Variants in EIF2AK4 observed in about 807,000 individuals in gnomAD.
EIF2AK4 encodes the protein eIF-2-alpha kinase GCN2.
A neutral mutation model predicts 211.1 loss-of-function variants in EIF2AK4; 139 were observed. The observed-to-expected ratio is 0.66, with a 90% CI of 0.57 to 0.76. The LOEUF (loss-of-function observed/expected upper bound fraction) is 0.76, where lower values mean the gene tolerates loss of function less well. Ranked by LOEUF, EIF2AK4 falls within the 30% of genes least tolerant of loss-of-function variation. The pLI is 0.00. For synonymous variants in EIF2AK4, 710 were observed against 751.3 expected, an observed-to-expected ratio of 0.94 and a Z score of 0.90; for missense variants, 1,664 against 2,043.8, an observed-to-expected ratio of 0.81 and a Z score of 3.58.
At chr15:39,983,488 G>A (rs1302500626) in intron 13 of EIF2AK4, among the ~76,000 whole-genome samples, 1 of 151,756 alleles carries the variant, frequency 6.6e-6, no homozygotes, top group East Asian at 1.9e-4. Context: ...TGTTGCCCAG[G>A]GTAGAGTGCA....
At chr15:39,972,096 C>A (rs909385294) in intron 9 of EIF2AK4, among the ~76,000 whole-genome samples, 18 of 152,098 alleles carry the variant, frequency 1.2e-4, no homozygotes, top group African/African-American at 4.3e-4. Context: ...CGGTGGCTCA[C>A]GCCTGTAATC....
chr15:39,939,479 A>C (rs2034113989), intron 1 of EIF2AK4, 26 bp from the exon 2 acceptor site: 3 of 1,564,504 alleles, frequency 1.9e-6, no homozygotes, highest in Non-Finnish European at 1.7e-6. Flanking sequence ...CTTTGAAAAA[A>C]ATTTTTTTTG....
At chr15:39,935,740 C>G (rs751487430) in intron 1 of EIF2AK4, among the ~76,000 whole-genome samples, 1 of 152,214 alleles carries the variant, frequency 6.6e-6, no homozygotes, top group Non-Finnish European at 1.5e-5. Flanking sequence ...AATATTCTCT[C>G]TCAAACTCAG....
At chr15:39,942,692 A>C (rs1206583978) in intron 2 of EIF2AK4, among the ~76,000 whole-genome samples, 1 of 152,192 alleles carries the variant, frequency 6.6e-6, no homozygotes, top group South Asian at 2.1e-4. Flanking sequence ...GAAAGTGTTG[A>C]CTTAGATGAG....
At chr15:39,962,246 G>A (rs531235837) in intron 7 of EIF2AK4, among the ~76,000 whole-genome samples, 2 of 152,306 alleles carry the variant, frequency 1.3e-5, no homozygotes, top group South Asian at 2.1e-4. Flanking sequence ...GTGACAGAAT[G>A]AGACCCTGTC....
Position 39,961,803 on chromosome 15 carries a change from G to A in EIF2AK4, c.763G>A (p.Val255Ile), listed in dbSNP as rs1233104428. 1 of 1,613,686 alleles carries A rather than the reference G, an allele frequency of 6.2e-7. No individual in the cohort carries two copies. The highest frequency in any genetic ancestry group is 1.7e-5 in the Admixed American group (1 of 60,016). Reference sequence around the variant, plus strand: ...TTTAAGGCGAGAACGTCAGTATTCTGTATGTAATAGTGAAGATTCTCCTGG... The same window carrying A: ...TTTAAGGCGAGAACGTCAGTATTCTATATGTAATAGTGAAGATTCTCCTGG... ...GRSRRERQYSVCNSEDSPGSC... is the reference protein window; with the variant it reads ...GRSRRERQYSICNSEDSPGSC... Residue 255 changes from valine to isoleucine, a missense_variant, in exon 7 of 39, where the codon GTA becomes ATA. By Grantham distance (29) the Val-to-Ile change is conservative (BLOSUM62 3). Coordinates refer to ENST00000263791, the MANE Select transcript of EIF2AK4 (RefSeq NM_001013703.4).
intron 5 of EIF2AK4, 30 bp downstream of exon 5, chr15:39,954,014 A>G: frequency 6.5e-7 from 1 of 1,528,138 alleles, no homozygotes; most frequent in Non-Finnish European, 8.8e-7. Context: ...ATAATAATTT[A>G]CATTTTGCAA....
At chr15:40,000,627 A>G (rs772334799) in intron 20 of EIF2AK4, among the ~76,000 whole-genome samples, 1 of 152,148 alleles carries the variant, frequency 6.6e-6, no homozygotes, top group Non-Finnish European at 1.5e-5. Context: ...TTTCTACTAA[A>G]ATTAGGCATG....
Position 40,008,099 on chromosome 15 carries a change from A to G in EIF2AK4, c.3480A>G (p.Ala1160=). ...ATCCCAAAGAACTTCTGGAGTGTGC[A>G]TTTGATATTGTCACTTCTACCACCA... The part of the protein sequence containing the change: ...RFHPKELLEC[A]FDIVTSTTNS... Residue 1160 remains alanine (A), a synonymous_variant, in exon 25 of 39, where the codon GCA becomes GCG. Transcript: ENST00000263791. The G allele has an allele frequency of 6.2e-7, 1 of 1,613,180 alleles. No homozygotes were observed. Among genetic ancestry groups the G allele is most frequent in the Non-Finnish European group, 8.5e-7 (1 of 1,179,646 alleles).
rs1595413222 is a variant in EIF2AK4 at position 39,990,367 on chromosome 15, TA to T, written c.2622del (p.Ala875ProfsTer15). The T allele has an allele frequency of 1.9e-6, 3 of 1,613,518 alleles. No homozygotes were observed. The African/African-American group carries it at 4.0e-5, about 22-fold the overall frequency. The stretch of plus-strand genomic sequence containing the variant: ...GATTTTGGTTTGGCGACAGACCATC[TA>T]GCCTTTTCTGTAAGTATTTTAAAAA... ...IGDFGLATDH[L>X]AFSADSKQDD... On this transcript the variant is annotated frameshift_variant, in exon 16 of 39. Transcript: ENST00000263791. LOFTEE classifies it high-confidence loss of function.
At chr15:40,032,066 C>A in intron 35 of EIF2AK4, 103 bp from the exon 36 acceptor site, 2 of 1,000,716 alleles carry the variant, frequency 2.0e-6, no homozygotes, top group African/African-American at 1.6e-5. Context: ...CCTTTCTAGG[C>A]TTTGGTATGT....
chr15:39,973,842 G>C lies in EIF2AK4; in HGVS notation c.1818+93G>C, dbSNP rs544133200. 5.3e-5 allele frequency: 77 copies of C among 1,443,586 alleles called. No individual in the cohort carries two copies. In the East Asian group the frequency reaches 1.6e-3, roughly 31 times the overall value. 89.4% of individuals were successfully genotyped at this position (1,443,586 alleles called of 1,614,324 possible). ...TGGACTTTACTTTTATTTTGGGAGTGGGGAGGGAAGTGAATATGGCTGTTG... is the reference window on the plus strand; with the variant it reads ...TGGACTTTACTTTTATTTTGGGAGTCGGGAGGGAAGTGAATATGGCTGTTG... On this transcript the variant is annotated intron_variant, in intron 11 of 38. Coordinates refer to ENST00000263791, the MANE Select transcript of EIF2AK4 (RefSeq NM_001013703.4).
At position 39,961,762 on chromosome 15, in the gene EIF2AK4, A is replaced by G. The variant is rs778085354; in HGVS notation, c.744-22A>G. 4.5e-6 allele frequency: 7 copies of G among 1,553,278 alleles called. No individual in the cohort carries two copies. In the South Asian group the frequency reaches 5.7e-5, roughly 13 times the overall value. On this transcript the variant is annotated intron_variant, in intron 6 of 38. Coordinates refer to ENST00000263791, the MANE Select transcript of EIF2AK4 (RefSeq NM_001013703.4). ...AAATGAAAAATGATTGTTCAAATGT[A>G]TTGTTCAAATTTATTTTTAAGGCGA...
chr15:40,023,375 A>T (rs964585247), intron 32 of EIF2AK4, among the ~76,000 whole-genome samples: 6 of 152,172 alleles, frequency 3.9e-5, no homozygotes, highest in African/African-American at 1.4e-4. Flanking sequence ...ATATCAGGGT[A>T]ATGTTGGCCT....
In EIF2AK4 at chr15:39,974,846, C is replaced by CA. The variant is rs1244089853; in HGVS notation, c.1818+1098dup. On this transcript the variant is annotated intron_variant, in intron 11 of 38. Transcript: ENST00000263791. The stretch of plus-strand genomic sequence containing the variant: ...ACCTCCTACCTCTGTGCTTCTGTGT[C>CA]AGAGTAGGGCAGCCTGCCCAGTGAT... 3 of 152,210 alleles carry CA rather than the reference C, an allele frequency of 2.0e-5. No homozygotes were observed. In the East Asian group the frequency reaches 5.8e-4, roughly 29 times the overall value. The allele number at this position is 152,210 out of a possible 1,614,324, so 9.4% of individuals were successfully genotyped here.
intron 8 of EIF2AK4, 86 bp downstream of exon 8, chr15:39,965,929 G>A (rs1390232688): frequency 1.8e-5 from 27 of 1,530,866 alleles, no homozygotes; most frequent in Non-Finnish European, 2.3e-5. Flanking sequence ...GCATTTGTTT[G>A]CCCTGCAGAG....
intron 38 of EIF2AK4, 33 bp downstream of exon 38, chr15:40,034,477 A>G: frequency 1.3e-6 from 2 of 1,544,666 alleles, no homozygotes; most frequent in Non-Finnish European, 1.8e-6. Context: ...CAGGGTTCAC[A>G]TGGTTAAAAT....
intron 13 of EIF2AK4, among the ~76,000 whole-genome samples, chr15:39,980,747 G>A (rs1376165197): frequency 1.3e-5 from 2 of 152,146 alleles, no homozygotes; most frequent in East Asian, 3.9e-4. Context: ...GGAGTGCAGT[G>A]GTGCAATCCT....
intron 16 of EIF2AK4, 105 bp from the exon 17 acceptor site, chr15:39,992,070 G>A: frequency 9.5e-7 from 1 of 1,057,598 alleles, no homozygotes; most frequent in Non-Finnish European, 1.4e-6. Flanking sequence ...ATATTATTTT[G>A]ATTTCCATGT....
Sources: allele counts gnomAD v4.1 joint callset (sites outside exome capture counted in the v4.1 genomes callset), GRCh38; gene constraint gnomAD v4.1.1; transcripts MANE v1.5; gene names NCBI Gene and HGNC (gene_info 2026-07-23, HGNC 2026-07-21).